CNTNAP2: variants seen among roughly 807,000 people sequenced by gnomAD.
CNTNAP2 encodes the protein contactin-associated protein-like 2.
CNTNAP2 carries 98 observed loss-of-function variants against 155.2 expected under a neutral mutation model. That is an observed-to-expected ratio of 0.63 (90% confidence interval 0.54 to 0.75). The LOEUF is 0.75. Among genes scored for constraint, CNTNAP2 ranks in the 30% least tolerant of loss-of-function variants. CNTNAP2 has a pLI of 0.00. For missense variants in CNTNAP2, 1,727 were observed against 1,688.1 expected, an observed-to-expected ratio of 1.02 and a Z score of -0.40; for synonymous variants, 651 against 631.2, an observed-to-expected ratio of 1.03 and a Z score of -0.47.
At chr7:146,242,618 C>T (rs529023136) in intron 1 of CNTNAP2, among the ~76,000 whole-genome samples, 1 of 151,880 alleles carries the variant, frequency 6.6e-6, no homozygotes, top group South Asian at 2.1e-4. Flanking sequence ...AATTAAGAAT[C>T]TAGAGACATT....
chr7:147,118,902 A>C (rs1317524111), intron 5 of CNTNAP2, among the ~76,000 whole-genome samples: 3 of 152,170 alleles, frequency 2.0e-5, no homozygotes, highest in Non-Finnish European at 4.4e-5. Context: ...TTAGAGGTGG[A>C]AATATTTTTG....
intron 1 of CNTNAP2, among the ~76,000 whole-genome samples, chr7:146,772,013 ACATT>A (rs1304415470): frequency 6.6e-6 from 1 of 152,124 alleles, no homozygotes; most frequent in African/African-American, 2.4e-5. Flanking sequence ...TGGGTTTAGT[ACATT>A]CATTCATTTA....
chr7:147,209,663 A>G (rs1306067496), intron 8 of CNTNAP2, among the ~76,000 whole-genome samples: 1 of 151,952 alleles, frequency 6.6e-6, no homozygotes, highest in African/African-American at 2.4e-5. Flanking sequence ...TGCTTGTTTC[A>G]GTTCTCAAGA....
At chr7:148,099,868 G>GTTTTTTTTTTTTTTTTTTTT (rs751537152) in intron 15 of CNTNAP2, among the ~76,000 whole-genome samples, 1 of 88,806 alleles carries the variant, frequency 1.1e-5, no homozygotes. Flanking sequence ...TTTTTTTTTG[G>GTTTTTTTTTTTTTTTTTTTT]TTTTTTTTTT....
intron 13 of CNTNAP2, among the ~76,000 whole-genome samples, chr7:147,876,893 T>A (rs957280230): frequency 1.3e-5 from 2 of 151,918 alleles, no homozygotes; most frequent in African/African-American, 4.8e-5. Context: ...GGGGCATCCT[T>A]GTAAGGGAAT....
intron 3 of CNTNAP2, among the ~76,000 whole-genome samples, chr7:146,884,493 C>T (rs765677466): frequency 1.4e-4 from 22 of 152,088 alleles, no homozygotes; most frequent in Non-Finnish European, 2.4e-4. Context: ...ATCTTAAGAA[C>T]TGAGTGAGAT....
intron 20 of CNTNAP2, among the ~76,000 whole-genome samples, chr7:148,245,104 A>C (rs1436854300): frequency 6.6e-6 from 1 of 152,176 alleles, no homozygotes; most frequent in East Asian, 1.9e-4. Context: ...CTTTTAGAGA[A>C]GAATTTGGAA....
chr7:147,299,489 T>C (rs948398439), intron 8 of CNTNAP2, among the ~76,000 whole-genome samples: 7 of 151,994 alleles, frequency 4.6e-5, no homozygotes, highest in African/African-American at 1.4e-4. Context: ...TTGTAAATGT[T>C]CAGATAATCC....
At chr7:147,397,928 A>G (rs1186473311) in intron 10 of CNTNAP2, among the ~76,000 whole-genome samples, 1 of 152,020 alleles carries the variant, frequency 6.6e-6, no homozygotes, top group African/African-American at 2.4e-5. Flanking sequence ...ATCTCCACGC[A>G]TTTTCTAAAC....
intron 1 of CNTNAP2, among the ~76,000 whole-genome samples, chr7:146,164,999 C>A (rs147978938): frequency 1.3e-3 from 199 of 152,186 alleles, no homozygotes; most frequent in African/African-American, 4.2e-3. Context: ...GTATTTTTGT[C>A]TCTTTGTATA....
intron 1 of CNTNAP2, among the ~76,000 whole-genome samples, chr7:146,621,095 A>G (rs1799308828): frequency 6.6e-6 from 1 of 152,204 alleles, no homozygotes; most frequent in African/African-American, 2.4e-5. Flanking sequence ...ATGCCGAGCT[A>G]GAGCGAAATT....
chr7:148,061,599 C>T (rs1803131357), intron 15 of CNTNAP2, among the ~76,000 whole-genome samples: 2 of 151,908 alleles, frequency 1.3e-5, no homozygotes, highest in Non-Finnish European at 2.9e-5. Flanking sequence ...AAGTGATCCA[C>T]CTGCCTCGCC....
chr7:147,303,732 T>G (rs1321341040), intron 9 of CNTNAP2, among the ~76,000 whole-genome samples: 2 of 152,228 alleles, frequency 1.3e-5, no homozygotes, highest in Admixed American at 1.3e-4. Context: ...TTCTGAACAC[T>G]GTGTGGCATA....
At position 148,217,313 on chromosome 7, in the gene CNTNAP2, G is replaced by T; in HGVS notation, c.3036G>T (p.Gly1012=). Residue 1012 remains glycine (G), a synonymous_variant, in exon 19 of 24, where the codon GGG becomes GGT. Transcript: ENST00000361727. ...ATGTTGGTGCATTTTTTGAAGAAGG[G>T]ATGTGGCTACGATATAACTTTCAGG... ...NKDVGAFFEE[G]MWLRYNFQAP... The T allele has an allele frequency of 6.2e-7, 1 of 1,613,860 alleles. No homozygotes were observed. Among genetic ancestry groups the T allele is most frequent in the African/African-American group, 1.3e-5 (1 of 74,962 alleles).
intron 15 of CNTNAP2, among the ~76,000 whole-genome samples, chr7:148,089,859 T>C (rs1803803163): frequency 6.6e-6 from 1 of 151,824 alleles, no homozygotes; most frequent in Non-Finnish European, 1.5e-5. Flanking sequence ...AGATATCACA[T>C]GACCTGATTT....
intron 13 of CNTNAP2, among the ~76,000 whole-genome samples, chr7:147,713,378 G>A (rs1181912128): frequency 6.6e-6 from 1 of 151,994 alleles, no homozygotes; most frequent in African/African-American, 2.4e-5. Context: ...TGCCTCTATA[G>A]TTTTCCATCT....
intron 3 of CNTNAP2, among the ~76,000 whole-genome samples, chr7:146,944,809 C>A (rs543631131): frequency 6.6e-6 from 1 of 151,464 alleles, no homozygotes; most frequent in East Asian, 1.9e-4. Context: ...ACCCAGGAGG[C>A]GGAGCTTGCA....
intron 1 of CNTNAP2, among the ~76,000 whole-genome samples, chr7:146,248,384 A>C (rs1231510734): frequency 6.6e-6 from 1 of 152,132 alleles, no homozygotes; most frequent in Non-Finnish European, 1.5e-5. Flanking sequence ...GGACCAAGGC[A>C]GGCATCCCTG....
At chr7:148,259,474 C>T (rs770586149) in intron 20 of CNTNAP2, among the ~76,000 whole-genome samples, 10 of 152,086 alleles carry the variant, frequency 6.6e-5, no homozygotes, top group Non-Finnish European at 5.9e-5. Flanking sequence ...AATTCAATAT[C>T]GCTGAGCTAA....
Sources: allele counts gnomAD v4.1 joint callset (sites outside exome capture counted in the v4.1 genomes callset), GRCh38; gene constraint gnomAD v4.1.1; transcripts MANE v1.5; gene names NCBI Gene and HGNC (gene_info 2026-07-23, HGNC 2026-07-21).